The following MPPED1 variants were observed in gnomAD, a reference collection of about 807,000 sequenced individuals.
The protein encoded by MPPED1 is metallophosphoesterase domain containing 1.
Under a neutral mutation model 36.2 loss-of-function variants are expected in MPPED1, and 16 were observed. The ratio of observed to expected loss-of-function variants is 0.44; its 90% CI spans 0.30 to 0.67. The LOEUF (loss-of-function observed/expected upper bound fraction) is 0.67. MPPED1 is among the 30% of genes least tolerant of loss of function. The probability of loss-of-function intolerance (pLI) is 0.10; values close to 1 mark genes in which losing one functional copy is unlikely to be tolerated. For synonymous variants in MPPED1, 199 were observed against 191.3 expected (o/e 1.04, Z -0.33); for missense variants, 307 against 453.4 (o/e 0.68, Z 2.93).
chr22:43,445,150 C>T (rs544280397), intron 3 of MPPED1, among the ~76,000 whole-genome samples: 1 of 152,316 alleles, frequency 6.6e-6, no homozygotes, highest in African/African-American at 2.4e-5. Flanking sequence ...CATCTCATTC[C>T]ACTGGGAGTA....
chr22:43,493,504 C>T (rs533465450), intron 4 of MPPED1, among the ~76,000 whole-genome samples: 1 of 152,340 alleles, frequency 6.6e-6, no homozygotes, highest in Non-Finnish European at 1.5e-5. Context: ...CACCAACTCT[C>T]ACAGCATGTG....
chr22:43,502,851 A>G lies in MPPED1; in HGVS notation c.862+94A>G. ...CCCTTCGTTCAGCCAGAAGGGAAAT[A>G]AATAGCCCATTCCTACTGTTCGCTT... On this transcript the variant is annotated intron_variant, in intron 6 of 6. Coordinates refer to ENST00000443721, the MANE Select transcript of MPPED1 (RefSeq NM_001044370.2). This position sits in a 1 kb window ranked among gnomAD's most constrained non-coding sequence, Gnocchi z 5.5. The G allele has an allele frequency of 4.8e-6, 5 of 1,046,328 alleles. No homozygotes were observed. In the South Asian group the frequency reaches 6.4e-5, roughly 13 times the overall value. 64.8% of individuals were successfully genotyped at this position (1,046,328 alleles called of 1,614,324 possible).
intron 2 of MPPED1, among the ~76,000 whole-genome samples, chr22:43,434,682 C>T: frequency 6.6e-6 from 1 of 152,226 alleles, no homozygotes; most frequent in Non-Finnish European, 1.5e-5. Flanking sequence ...GCGGTGATAA[C>T]GAACAAAAGG....
At chr22:43,446,073 G>A (rs6003202) in intron 3 of MPPED1, among the ~76,000 whole-genome samples, 2,350 of 133,466 alleles carry the variant, frequency 0.018, 65 homozygotes, top group African/African-American at 0.063. Context: ...GTTTCACCAT[G>A]TTGCCCAGGC....
chr22:43,425,805 TG>T (rs1454690320), intron 2 of MPPED1, among the ~76,000 whole-genome samples: 2 of 152,208 alleles, frequency 1.3e-5, no homozygotes. Context: ...CCAAAAGGAC[TG>T]GGGGATTCTG....
intron 4 of MPPED1, among the ~76,000 whole-genome samples, chr22:43,490,097 C>T (rs1219721986): frequency 6.6e-6 from 1 of 152,164 alleles, no homozygotes; most frequent in African/African-American, 2.4e-5. Context: ...TGTCCGATGC[C>T]CACTTCAGTG....
chr22:43,419,389 T>C (rs1929181926), intron 1 of MPPED1, among the ~76,000 whole-genome samples: 1 of 152,110 alleles, frequency 6.6e-6, no homozygotes, highest in Non-Finnish European at 1.5e-5. Flanking sequence ...AGTGGGCTTG[T>C]GTCAGGAAAC....
intron 3 of MPPED1, among the ~76,000 whole-genome samples, chr22:43,458,288 GT>G (rs1930824573): frequency 6.6e-6 from 1 of 150,922 alleles, no homozygotes. Context: ...CAATTGTACT[GT>G]CTTTTTTTTT....
intron 3 of MPPED1, among the ~76,000 whole-genome samples, chr22:43,442,525 C>A (rs1457609439): frequency 6.6e-6 from 1 of 152,194 alleles, no homozygotes; most frequent in Non-Finnish European, 1.5e-5. Context: ...GCTGCTCCTG[C>A]CTCCGGGAGG....
Position 43,425,135 on chromosome 22 carries a change from C to G in MPPED1, c.150C>G (p.Tyr50Ter). The change falls in exon 2 of 7, where the codon TAC becomes TAG. Residue 50 changes from tyrosine (Y) to a stop codon, truncating the protein, a stop_gained. Coordinates refer to ENST00000443721, the MANE Select transcript of MPPED1 (RefSeq NM_001044370.2). LOFTEE classifies it high-confidence loss of function. ...HSRLIIEVDEYSSNPTQAFTF... is the reference protein window; with the variant it reads ...HSRLIIEVDE ...GGCTCATCATCGAGGTGGACGAGTA[C>G]AGCTCCAACCCCACCCAGGCCTTCA... The G allele has an allele frequency of 6.2e-7, 1 of 1,613,842 alleles. No individual in the cohort carries two copies. The highest frequency in any genetic ancestry group is 8.5e-7 in the Non-Finnish European group (1 of 1,179,842).
chr22:43,432,381 GGAGAGAGAGAGAAACGGAGGA>G (rs1929730244), intron 2 of MPPED1, among the ~76,000 whole-genome samples: 1 of 120,514 alleles, frequency 8.3e-6, no homozygotes, highest in Non-Finnish European at 1.6e-5. Context: ...GAGAAAGGGA[GGAGAGAGAGAGAAACGGAGGA>G]GAGAGAGATA....
chr22:43,416,865 G>C (rs1411350706), intron 1 of MPPED1: 2 of 333,358 alleles, frequency 6.0e-6, no homozygotes, highest in Non-Finnish European at 8.5e-6. Flanking sequence ...CCCGAGCTTT[G>C]TGTGTTTCTT....
chr22:43,448,130 C>T (rs188925797), intron 3 of MPPED1, among the ~76,000 whole-genome samples: 2 of 152,072 alleles, frequency 1.3e-5, no homozygotes, highest in East Asian at 1.9e-4. Context: ...CTCAAGTGAT[C>T]CACCTGCCTT....
chr22:43,430,038 G>C lies in MPPED1; in HGVS notation c.224+4829G>C, dbSNP rs141427770. ...GCAGTTGTTGTGTGATGCTGATCCAGCCAGTCATTGTGCCTCCCCAGGCCT... is the reference window on the plus strand; with the variant it reads ...GCAGTTGTTGTGTGATGCTGATCCACCCAGTCATTGTGCCTCCCCAGGCCT... On this transcript the variant is annotated intron_variant, in intron 2 of 6. Coordinates refer to ENST00000443721, the MANE Select transcript of MPPED1 (RefSeq NM_001044370.2). Among the ~76,000 whole-genome samples the C allele has an allele frequency of 4.3e-4, 65 of 152,290 alleles. 1 individual carries two copies. Among genetic ancestry groups the C allele is most frequent in the African/African-American group, 1.4e-3 (59 of 41,570 alleles).
At chr22:43,505,341 C>T (rs886595404) in intron 6 of MPPED1, among the ~76,000 whole-genome samples, 157 bp from the exon 7 acceptor site, 1 of 152,064 alleles carries the variant, frequency 6.6e-6, no homozygotes, top group Non-Finnish European at 1.5e-5. Flanking sequence ...TCATTATCAT[C>T]TCCATTTTAC....
At chr22:43,461,088 G>C (rs1410920532) in intron 3 of MPPED1, among the ~76,000 whole-genome samples, 2 of 152,186 alleles carry the variant, frequency 1.3e-5, no homozygotes, top group Non-Finnish European at 2.9e-5. Context: ...TCCTGGCTGG[G>C]TGCAGTGGCA....
intron 4 of MPPED1, 65 bp from the exon 5 acceptor site, chr22:43,498,170 G>T (rs553555877): frequency 9.0e-6 from 12 of 1,327,628 alleles, no homozygotes; most frequent in East Asian, 2.5e-5. Flanking sequence ...GGGGAGCTCC[G>T]CATTCCCTCT....
intron 3 of MPPED1, among the ~76,000 whole-genome samples, chr22:43,447,883 A>ATATATATATATATATATATATATATAT (rs1321289636): frequency 4.4e-5 from 3 of 67,700 alleles, no homozygotes; most frequent in Non-Finnish European, 7.9e-5. Context: ...ATATATATAT[A>ATATATATATATATATATATATATATAT]TTTTTTTTTT....
chr22:43,470,304 A>G (rs540183387), intron 3 of MPPED1, among the ~76,000 whole-genome samples: 1 of 150,128 alleles, frequency 6.7e-6, no homozygotes, highest in Admixed American at 6.6e-5. Flanking sequence ...TCATCCATCC[A>G]TTCATCCATA....
Sources: gnomAD v4.1 joint callset for allele counts (sites outside exome capture counted in the v4.1 genomes callset) on GRCh38, gnomAD v4.1.1 for gene constraint, Gnocchi (gnomAD v3.1) non-coding constraint, MANE v1.5 for transcripts, NCBI Gene and HGNC (gene_info 2026-07-23, HGNC 2026-07-21) for gene names.